The following LHFPL3 variants were observed in gnomAD, a reference collection of about 807,000 sequenced individuals.
LHFPL3 encodes LHFPL tetraspan subfamily member 3.
In LHFPL3, 5 loss-of-function variants were observed where a neutral mutation model predicts 19.3. That is an observed-to-expected ratio of 0.26 (90% CI 0.14 to 0.54). The LOEUF is 0.54. LHFPL3 is among the 20% of genes least tolerant of loss of function. The pLI is 0.94. For missense variants in LHFPL3, 249 were observed against 307.4 expected, an observed-to-expected ratio of 0.81 and a Z score of 1.42; for synonymous variants, 133 against 126.2, an observed-to-expected ratio of 1.05 and a Z score of -0.36.
intron 1 of LHFPL3, among the ~76,000 whole-genome samples, chr7:104,378,128 G>A (rs780658579): frequency 2.0e-5 from 3 of 152,056 alleles, no homozygotes; most frequent in Non-Finnish European, 2.9e-5. Flanking sequence ...ATTTTTGTGG[G>A]TACCTAGTAG....
At chr7:104,705,008 A>G (rs1314055369) in intron 1 of LHFPL3, among the ~76,000 whole-genome samples, 1 of 152,174 alleles carries the variant, frequency 6.6e-6, no homozygotes, top group Non-Finnish European at 1.5e-5. Flanking sequence ...CCTTTCCAGT[A>G]TCACAAATAA....
intron 2 of LHFPL3, among the ~76,000 whole-genome samples, chr7:104,879,518 G>A (rs1303234552): frequency 2.0e-5 from 3 of 151,954 alleles, no homozygotes; most frequent in Admixed American, 2.0e-4. Context: ...CTAGGAGTTC[G>A]AGACCAGCCT....
At chr7:104,746,684 T>C (rs1794053006) in intron 2 of LHFPL3, among the ~76,000 whole-genome samples, 1 of 152,224 alleles carries the variant, frequency 6.6e-6, no homozygotes, top group Non-Finnish European at 1.5e-5. Flanking sequence ...TCTGTGAGTT[T>C]GGGCAAACTT....
intron 1 of LHFPL3, among the ~76,000 whole-genome samples, chr7:104,604,338 G>T (rs959072926): frequency 2.0e-5 from 3 of 152,148 alleles, no homozygotes; most frequent in Non-Finnish European, 2.9e-5. Context: ...AAACCAGGGA[G>T]GGCACCCTGG....
chr7:104,562,938 G>A (rs1790038418), intron 1 of LHFPL3, among the ~76,000 whole-genome samples: 1 of 152,102 alleles, frequency 6.6e-6, no homozygotes, highest in Non-Finnish European at 1.5e-5. Flanking sequence ...GGAGTACCCT[G>A]CCGTGTGAGG....
chr7:104,361,714 C>T (rs1437636139), intron 1 of LHFPL3, among the ~76,000 whole-genome samples: 1 of 152,092 alleles, frequency 6.6e-6, no homozygotes, highest in Non-Finnish European at 1.5e-5. Context: ...TAGGTTTCTA[C>T]AAAAATAATT....
chr7:104,566,344 C>G (rs1790124695), intron 1 of LHFPL3, among the ~76,000 whole-genome samples: 1 of 152,240 alleles, frequency 6.6e-6, no homozygotes, highest in Non-Finnish European at 1.5e-5. Context: ...GAGCAAGACC[C>G]TGTCTCTCAA....
At chr7:104,333,357 G>A (rs1801605775) in intron 1 of LHFPL3, among the ~76,000 whole-genome samples, 1 of 152,184 alleles carries the variant, frequency 6.6e-6, no homozygotes, top group African/African-American at 2.4e-5. Flanking sequence ...CAACAGATGT[G>A]GAAAGATACT....
At chr7:104,565,844 C>T (rs534764102) in intron 1 of LHFPL3, among the ~76,000 whole-genome samples, 7 of 151,830 alleles carry the variant, frequency 4.6e-5, no homozygotes, top group Non-Finnish European at 7.4e-5. Context: ...TCCAAATGTT[C>T]GATTAGTCAA....
chr7:104,757,290 GC>G (rs1394682912), intron 2 of LHFPL3, among the ~76,000 whole-genome samples: 26 of 152,172 alleles, frequency 1.7e-4, no homozygotes, highest in Admixed American at 1.4e-3. Flanking sequence ...CTGGACATCA[GC>G]CTTGGGACAT....
At chr7:104,854,508 A>G (rs192152995) in intron 2 of LHFPL3, among the ~76,000 whole-genome samples, 1 of 152,306 alleles carries the variant, frequency 6.6e-6, no homozygotes, top group Admixed American at 6.5e-5. Flanking sequence ...AGGATGGCAT[A>G]CTCTAGCTGG....
At chr7:104,739,339 G>A (rs1793888461) in intron 2 of LHFPL3, among the ~76,000 whole-genome samples, 1 of 152,186 alleles carries the variant, frequency 6.6e-6, no homozygotes, top group Non-Finnish European at 1.5e-5. Flanking sequence ...AGACCAATCA[G>A]TAGTTGTGTA....
At chr7:104,814,253 A>G (rs987716409) in intron 2 of LHFPL3, among the ~76,000 whole-genome samples, 3 of 151,992 alleles carry the variant, frequency 2.0e-5, no homozygotes, top group Non-Finnish European at 4.4e-5. Context: ...TTGTCCCATC[A>G]TCTGCACAGC....
At chr7:104,795,570 C>T (rs1157797372) in intron 2 of LHFPL3, among the ~76,000 whole-genome samples, 1 of 152,154 alleles carries the variant, frequency 6.6e-6, no homozygotes, top group African/African-American at 2.4e-5. Flanking sequence ...TCTTTTTATT[C>T]CCCAAAGCAA....
chr7:104,626,216 G>A (rs192526214), intron 1 of LHFPL3, among the ~76,000 whole-genome samples: 5 of 152,280 alleles, frequency 3.3e-5, no homozygotes, highest in African/African-American at 1.2e-4. Context: ...TCCAGAGAGT[G>A]TGCTATGTGT....
At chr7:104,413,761 AG>A (rs1241463809) in intron 1 of LHFPL3, among the ~76,000 whole-genome samples, 3 of 152,226 alleles carry the variant, frequency 2.0e-5, no homozygotes, top group Admixed American at 2.0e-4. Context: ...GTTTACTCAT[AG>A]AAATACAATC....
At chr7:104,647,931 T>C (rs925781027) in intron 1 of LHFPL3, among the ~76,000 whole-genome samples, 17 of 152,168 alleles carry the variant, frequency 1.1e-4, no homozygotes, top group African/African-American at 4.1e-4. Context: ...ACCTCTCTAA[T>C]TGACACAGTG....
intron 1 of LHFPL3, among the ~76,000 whole-genome samples, chr7:104,545,741 A>G (rs1794566969): frequency 6.6e-6 from 1 of 152,096 alleles, no homozygotes; most frequent in South Asian, 2.1e-4. Flanking sequence ...ATTCCTTTCT[A>G]CCATCCTTCA....
At position 104,355,508 on chromosome 7, in the gene LHFPL3, A is replaced by G. The variant is rs1416968301; in HGVS notation, c.445+26284A>G. 2.0e-5 allele frequency among the ~76,000 whole-genome samples: 3 copies of G among 152,304 alleles called. No homozygotes were observed. The East Asian group carries it at 5.8e-4, about 29-fold the overall frequency. ...ATTTTCATTTAGCAATCACATTAGG[A>G]CTTAGTGAACAATTGCTTGTTGTCT... On this transcript the variant is annotated intron_variant, in intron 1 of 2. Transcript: ENST00000424859.
Sources: allele counts gnomAD v4.1 joint callset (sites outside exome capture counted in the v4.1 genomes callset), GRCh38; gene constraint gnomAD v4.1.1; transcripts MANE v1.5; gene names NCBI Gene and HGNC (gene_info 2026-07-23, HGNC 2026-07-21).